The following HMGCS1 variants were observed in gnomAD, a reference collection of about 807,000 sequenced individuals.
HMGCS1 encodes hydroxymethylglutaryl-CoA synthase, cytoplasmic.
In HMGCS1, 9 loss-of-function variants were observed where a neutral mutation model predicts 52.3. The observed-to-expected ratio is 0.17, with a 90% confidence interval of 0.10 to 0.30. HMGCS1 has a LOEUF of 0.30. Among genes scored for constraint, HMGCS1 ranks in the 10% least tolerant of loss-of-function variants. HMGCS1 has a pLI of 1.00. For synonymous variants in HMGCS1, 176 were observed against 214.4 expected, an observed-to-expected ratio of 0.82 and a Z score of 1.57; for missense variants, 320 against 620.9, an observed-to-expected ratio of 0.52 and a Z score of 5.15.
chr5:43,309,238 ATTT>A, intron 1 of HMGCS1, among the ~76,000 whole-genome samples: 1 of 142,722 alleles, frequency 7.0e-6, no homozygotes. Flanking sequence ...ATTCCCTCAA[ATTT>A]TTTTTTTTTT....
chr5:43,293,749 T>C, intron 8 of HMGCS1: 1 of 188,580 alleles, frequency 5.3e-6, no homozygotes, highest in Non-Finnish European at 1.1e-5. Flanking sequence ...AGTCTCGCTC[T>C]GTCACCCAGG....
Position 43,297,098 on chromosome 5 carries a change from T to C in HMGCS1, c.643A>G (p.Ile215Val), listed in dbSNP as rs778890257. ...TGTATGGAGAGTTTTCCATCTACTA[T>C]AGGATATTCAGATAGCATATCAGGC... ...YKPDMLSEYP[I>V]VDGKLSIQCY... Residue 215 changes from isoleucine (I) to valine (V), a missense_variant, in exon 5 of 11, where the codon ATA becomes GTA. Physicochemically the swap from Ile to Val is conservative, Grantham distance 29. Around this residue, in one of 3 missense-constraint regions of HMGCS1, gnomAD observed 85 missense variants for 260.0 expected, o/e 0.33. Coordinates refer to ENST00000325110, the MANE Select transcript of HMGCS1 (RefSeq NM_001098272.3). 3.7e-5 allele frequency: 59 copies of C among 1,612,818 alleles called. No homozygotes were observed. Among genetic ancestry groups the C allele is most frequent in the Admixed American group, 5.0e-5 (3 of 59,994 alleles).
intron 8 of HMGCS1, 183 bp downstream of exon 8, chr5:43,293,873 C>A (rs1457609440): frequency 6.0e-6 from 3 of 500,868 alleles, no homozygotes; most frequent in African/African-American, 5.9e-5. Flanking sequence ...ACCACCTCAC[C>A]TGGCTAATTT....
intron 8 of HMGCS1, 166 bp downstream of exon 8, chr5:43,293,890 T>G: frequency 1.9e-6 from 1 of 522,136 alleles, no homozygotes; most frequent in Non-Finnish European, 3.5e-6. Flanking sequence ...ATTTTTGTAT[T>G]TTTAGTAGAG....
At chr5:43,312,089 A>C (rs1754899407) in intron 1 of HMGCS1, among the ~76,000 whole-genome samples, 1 of 152,246 alleles carries the variant, frequency 6.6e-6, no homozygotes, top group Admixed American at 6.5e-5. Context: ...AGTGCAAAGA[A>C]CTACTGACAC....
Position 43,288,413 on chromosome 5 carries a change from C to A in HMGCS1, c.*2718G>T, listed in dbSNP as rs1041692486. On this transcript the variant is annotated 3_prime_UTR_variant, in exon 11 of 11. Coordinates refer to ENST00000325110, the MANE Select transcript of HMGCS1 (RefSeq NM_001098272.3). ...TTTAAATTATTTAAAGATCCTGTTACCCTTGCTCTGTTGACTGCCACTTCA... is the reference window on the plus strand; with the variant it reads ...TTTAAATTATTTAAAGATCCTGTTAACCTTGCTCTGTTGACTGCCACTTCA... 5.9e-5 allele frequency: 9 copies of A among 152,168 alleles called. No homozygotes were observed. The highest frequency in any genetic ancestry group is 1.9e-4 in the African/African-American group (8 of 41,464). 9.4% of individuals were successfully genotyped at this position (152,168 alleles called of 1,614,324 possible).
intron 2 of HMGCS1, among the ~76,000 whole-genome samples, chr5:43,302,062 A>G (rs2111698720): frequency 6.6e-6 from 1 of 152,346 alleles, no homozygotes; most frequent in African/African-American, 2.4e-5. Flanking sequence ...AAGTGAAGAG[A>G]TCAAGCTCAG....
chr5:43,297,187 G>A (rs201643339), intron 4 of HMGCS1, 21 bp from the exon 5 acceptor site: 1 of 1,600,256 alleles, frequency 6.2e-7, no homozygotes, highest in East Asian at 2.2e-5. Context: ...CAAAAAGGAA[G>A]ATGTCTATAT....
intron 1 of HMGCS1, among the ~76,000 whole-genome samples, chr5:43,308,951 T>C (rs1473880682): frequency 2.0e-5 from 3 of 152,158 alleles, no homozygotes; most frequent in Admixed American, 2.0e-4. Context: ...AATACTACAA[T>C]ATTCCAAAAA....
At chr5:43,312,342 G>A (rs1013142157) in intron 1 of HMGCS1, among the ~76,000 whole-genome samples, 2 of 152,200 alleles carry the variant, frequency 1.3e-5, no homozygotes, top group African/African-American at 4.8e-5. Context: ...GGAAGGTGGG[G>A]AGCTGCAGCA....
intron 10 of HMGCS1, among the ~76,000 whole-genome samples, chr5:43,291,987 CTTTTTTTTT>C (rs537398917): frequency 1.2e-4 from 10 of 83,114 alleles, no homozygotes; most frequent in Admixed American, 6.5e-4. Context: ...ACTGTATATT[CTTTTTTTTT>C]TTTTTTTTTT....
chr5:43,308,928 T>G (rs561548593), intron 1 of HMGCS1, among the ~76,000 whole-genome samples: 2 of 152,320 alleles, frequency 1.3e-5, no homozygotes, highest in East Asian at 3.9e-4. Context: ...GATCTTGAGT[T>G]TTGTAGGCAA....
At position 43,290,052 on chromosome 5, in the gene HMGCS1, T is replaced by TA. The variant is rs1478307672; in HGVS notation, c.*1078dup. 1 of 137,616 alleles carries TA rather than the reference T, an allele frequency of 7.3e-6. No individual in the cohort carries two copies. Among genetic ancestry groups the TA allele is most frequent in the Admixed American group, 7.5e-5 (1 of 13,352 alleles). 8.5% of individuals were successfully genotyped at this position (137,616 alleles called of 1,614,324 possible). ...GTGGAATACTTCTAGTCAGACTAGG[T>TA]AAAAACTTGGGTCATACCTTATTTT... On this transcript the variant is annotated 3_prime_UTR_variant, in exon 11 of 11. Coordinates refer to ENST00000325110, the MANE Select transcript of HMGCS1 (RefSeq NM_001098272.3).
intron 1 of HMGCS1, among the ~76,000 whole-genome samples, chr5:43,309,190 T>G (rs1345471194): frequency 6.6e-6 from 1 of 152,106 alleles, no homozygotes; most frequent in East Asian, 1.9e-4. Context: ...AAATTTTCCT[T>G]GAACTGCCTA....
chr5:43,302,862 C>T lies in HMGCS1; in HGVS notation c.-10-3887G>A, dbSNP rs1037071121. 5.3e-5 allele frequency among the ~76,000 whole-genome samples: 8 copies of T among 152,254 alleles called. No homozygotes were observed. In the East Asian group the frequency reaches 9.7e-4, roughly 18 times the overall value. The stretch of plus-strand genomic sequence containing the variant: ...AATGCTACATCACCAATTCTCTTGG[C>T]GGCACAGAGGATGTTTAACGGAAAA... On this transcript the variant is annotated intron_variant, in intron 2 of 10. Coordinates refer to ENST00000325110, the MANE Select transcript of HMGCS1 (RefSeq NM_001098272.3).
At chr5:43,311,776 G>C (rs1341309051) in intron 1 of HMGCS1, among the ~76,000 whole-genome samples, 1 of 152,094 alleles carries the variant, frequency 6.6e-6, no homozygotes, top group Non-Finnish European at 1.5e-5. Context: ...TTAAAACAAG[G>C]CCCAAATGAT....
chr5:43,301,837 T>C (rs761247106), intron 2 of HMGCS1, among the ~76,000 whole-genome samples: 1 of 152,220 alleles, frequency 6.6e-6, no homozygotes, highest in African/African-American at 2.4e-5. Flanking sequence ...ACTGACTAGA[T>C]GTTAGGGAAA....
At chr5:43,309,815 C>G (rs1343935020) in intron 1 of HMGCS1, among the ~76,000 whole-genome samples, 1 of 152,178 alleles carries the variant, frequency 6.6e-6, no homozygotes, top group African/African-American at 2.4e-5. Flanking sequence ...AGCAGGTTTG[C>G]AGACTCATGG....
intron 1 of HMGCS1, among the ~76,000 whole-genome samples, chr5:43,308,711 C>T (rs140906585): frequency 2.7e-4 from 41 of 152,162 alleles, no homozygotes; most frequent in African/African-American, 7.2e-5. Context: ...ACACCATTTC[C>T]TCTGCTCTCT....
Sources: gnomAD v4.1 joint callset for allele counts (sites outside exome capture counted in the v4.1 genomes callset) on GRCh38, gnomAD v4.1.1 for gene constraint, gnomAD v4.1.1 regional missense constraint, MANE v1.5 for transcripts, NCBI Gene and HGNC (gene_info 2026-07-23, HGNC 2026-07-21) for gene names.